The following GPR160 variants were observed in gnomAD, a reference collection of about 807,000 sequenced individuals.
GPR160 encodes G protein-coupled receptor 160.
A neutral mutation model predicts 2.6 loss-of-function variants in GPR160; 2 were observed. The ratio of observed to expected loss-of-function variants is 0.77; its 90% CI spans 0.32 to 2.44. The LOEUF (loss-of-function observed/expected upper bound fraction) is 2.44, where lower values mean the gene tolerates loss of function less well. GPR160 is among the 30% of genes most tolerant of loss of function. GPR160 has a pLI of 0.11. For missense variants in GPR160, 351 were observed against 383.6 expected (o/e 0.91, Z 0.71); for synonymous variants, 130 against 132.2 (o/e 0.98, Z 0.12).
intron 2 of GPR160, among the ~76,000 whole-genome samples, chr3:170,043,338 T>C (rs1352651481): frequency 1.3e-5 from 2 of 152,108 alleles, no homozygotes. Context: ...CCAGACACCA[T>C]GCCTGGCTAA....
intron 2 of GPR160, among the ~76,000 whole-genome samples, chr3:170,075,511 C>T (rs1712807318): frequency 1.3e-5 from 2 of 152,188 alleles, no homozygotes; most frequent in South Asian, 2.1e-4. Context: ...ATACTATACA[C>T]CCATTGTGAA....
rs967604197 is a variant in GPR160 at position 170,038,850 on chromosome 3, C to G, written c.-321-65C>G. The stretch of plus-strand genomic sequence containing the variant: ...ACCATCCTGGCTGGCTCAAAATTCC[C>G]TCTAGATTACCTGCGACCACCCCCA... On this transcript the variant is annotated intron_variant, in intron 1 of 3. Transcript: ENST00000355897. This position sits in a 1 kb window ranked among gnomAD's most constrained non-coding sequence, Gnocchi z 5.3. The G allele has an allele frequency of 8.5e-5, 13 of 152,056 alleles. No individual in the cohort carries two copies. The highest frequency in any genetic ancestry group is 2.2e-4 in the African/African-American group (9 of 41,412). 9.4% of individuals were successfully genotyped at this position (152,056 alleles called of 1,614,324 possible).
intron 2 of GPR160, among the ~76,000 whole-genome samples, chr3:170,065,444 T>C (rs1483980768): frequency 1.3e-5 from 2 of 152,230 alleles, no homozygotes; most frequent in Non-Finnish European, 2.9e-5. Context: ...TTCACCAACC[T>C]CGGAATCCTC....
At chr3:170,076,669 G>C (rs906646914) in intron 2 of GPR160, among the ~76,000 whole-genome samples, 1 of 151,966 alleles carries the variant, frequency 6.6e-6, no homozygotes, top group African/African-American at 2.4e-5. Flanking sequence ...GCAGCCTCCT[G>C]AGTAGCTGGG....
chr3:170,063,372 A>G (rs1712089511), intron 2 of GPR160: 1 of 151,960 alleles, frequency 6.6e-6, no homozygotes, highest in African/African-American at 2.4e-5. Context: ...CGTCTCTACT[A>G]AAAATACAAA....
At chr3:170,061,059 G>A (rs1156724385) in intron 2 of GPR160, among the ~76,000 whole-genome samples, 1 of 152,126 alleles carries the variant, frequency 6.6e-6, no homozygotes, top group African/African-American at 2.4e-5. Flanking sequence ...TGGATTGCTT[G>A]AAGTCAGGAG....
intron 2 of GPR160, among the ~76,000 whole-genome samples, chr3:170,064,311 G>C (rs1449523909): frequency 2.0e-5 from 3 of 152,138 alleles, no homozygotes; most frequent in Non-Finnish European, 4.4e-5. Context: ...GCCATGAGCT[G>C]GCGGGGGTGA....
chr3:170,052,131 G>C (rs566070765), intron 2 of GPR160, among the ~76,000 whole-genome samples: 3 of 152,332 alleles, frequency 2.0e-5, no homozygotes, highest in African/African-American at 7.2e-5. Flanking sequence ...TCACCATGTC[G>C]ACCAGGTTGA....
chr3:170,062,342 G>T, intron 2 of GPR160: 1 of 284,140 alleles, frequency 3.5e-6, no homozygotes, highest in South Asian at 3.5e-5. Context: ...GTCCAGGGAG[G>T]CGCTGCACCG....
intron 2 of GPR160, among the ~76,000 whole-genome samples, chr3:170,076,769 C>T (rs1259760704): frequency 6.6e-6 from 1 of 152,180 alleles, no homozygotes; most frequent in African/African-American, 2.4e-5. Flanking sequence ...GTCTTGAACT[C>T]CTGGCCTCAG....
intron 2 of GPR160, among the ~76,000 whole-genome samples, chr3:170,064,230 G>C (rs1712169865): frequency 6.6e-6 from 1 of 152,168 alleles, no homozygotes; most frequent in South Asian, 2.1e-4. Flanking sequence ...GCGTCCTGCT[G>C]GGTTGAAAGT....
chr3:170,047,072 G>T (rs1716752370), intron 2 of GPR160, among the ~76,000 whole-genome samples: 1 of 152,122 alleles, frequency 6.6e-6, no homozygotes, highest in Admixed American at 6.5e-5. Context: ...GCCCTTGCCT[G>T]GTCCCCTTCA....
Position 170,083,925 on chromosome 3 carries a change from T to C in GPR160, c.-48T>C. 1 of 1,075,874 alleles carries C rather than the reference T, an allele frequency of 9.3e-7. No individual in the cohort carries two copies. Among genetic ancestry groups the C allele is most frequent in the South Asian group, 2.3e-5 (1 of 43,322 alleles). 66.6% of individuals were successfully genotyped at this position (1,075,874 alleles called of 1,614,324 possible). A position where few individuals can be genotyped will look rare whatever the true frequency, so the allele number is the denominator to read the frequency against. On this transcript the variant is annotated 5_prime_UTR_variant, in exon 4 of 4. Transcript: ENST00000355897. ...TGCAGGGACAGAAAATGAAGCAGTGTTTTATCATGTGTATTTCAGCAGGTC... is the reference window on the plus strand; with the variant it reads ...TGCAGGGACAGAAAATGAAGCAGTGCTTTATCATGTGTATTTCAGCAGGTC...
At chr3:170,056,126 G>A (rs1000879828) in intron 2 of GPR160, among the ~76,000 whole-genome samples, 2 of 152,018 alleles carry the variant, frequency 1.3e-5, no homozygotes, top group Non-Finnish European at 2.9e-5. Context: ...ACTAGTACAA[G>A]GTATGCAACT....
intron 2 of GPR160, among the ~76,000 whole-genome samples, chr3:170,072,596 G>C (rs1712654902): frequency 6.6e-6 from 1 of 152,184 alleles, no homozygotes; most frequent in South Asian, 2.1e-4. Context: ...GAAGCTTCCA[G>C]TCATGGTGGA....
intron 2 of GPR160, among the ~76,000 whole-genome samples, chr3:170,050,404 T>G (rs562490164): frequency 9.3e-5 from 14 of 150,898 alleles, no homozygotes; most frequent in African/African-American, 3.4e-4. Context: ...CCACCATGCT[T>G]AGCTAATTTT....
chr3:170,082,385 G>T (rs1423679426), intron 3 of GPR160, among the ~76,000 whole-genome samples: 1 of 152,132 alleles, frequency 6.6e-6, no homozygotes, highest in Non-Finnish European at 1.5e-5. Context: ...TTTAATGGCT[G>T]CATATCATAA....
At chr3:170,054,113 GTA>G (rs772693658) in intron 2 of GPR160, among the ~76,000 whole-genome samples, 153 of 151,480 alleles carry the variant, frequency 1.0e-3, no homozygotes, top group Non-Finnish European at 1.5e-3. Flanking sequence ...GTGTGTGTGT[GTA>G]TGTGTGTGTA....
In GPR160 at chr3:170,070,391, A is replaced by G. The variant is rs577428836; in HGVS notation, c.-192-9383A>G. Among the ~76,000 whole-genome samples the G allele has an allele frequency of 3.9e-5, 6 of 152,312 alleles. No homozygotes were observed. The South Asian group carries it at 1.0e-3, about 26-fold the overall frequency. On this transcript the variant is annotated intron_variant, in intron 2 of 3. Coordinates refer to ENST00000355897, the MANE Select transcript of GPR160 (RefSeq NM_014373.3). ...TTGGTCGGGTTCTAATTTTTTGGCA[A>G]GCCCACTTTGTAGATAGCAAGGTAC... is the stretch of plus-strand genomic sequence containing the variant.
Sources: allele counts gnomAD v4.1 joint callset (sites outside exome capture counted in the v4.1 genomes callset), GRCh38; gene constraint gnomAD v4.1.1; non-coding constraint Gnocchi (gnomAD v3.1); transcripts MANE v1.5; gene names NCBI Gene and HGNC (gene_info 2026-07-23, HGNC 2026-07-21).